Variants in C5orf24 observed in about 807,000 individuals in gnomAD.
C5orf24 encodes UPF0461 protein C5orf24.
A neutral mutation model predicts 9.8 loss-of-function variants in C5orf24; 4 were observed. That is an observed-to-expected ratio of 0.41 (90% CI 0.20 to 0.93). The LOEUF (loss-of-function observed/expected upper bound fraction) is 0.93. Ranked by LOEUF, C5orf24 falls within the 40% of genes least tolerant of loss-of-function variation. C5orf24 has a pLI of 0.33. For synonymous variants in C5orf24, 73 were observed against 81.3 expected, an observed-to-expected ratio of 0.90 and a Z score of 0.55; for missense variants, 170 against 236.9, an observed-to-expected ratio of 0.72 and a Z score of 1.85.
chr5:134,834,389 A>G, the C5orf24 span, among the ~76,000 whole-genome samples: 2 of 152,044 alleles, frequency 1.3e-5, no homozygotes, highest in African/African-American at 2.4e-5. Flanking sequence ...ATTCCCAGAA[A>G]CCTTGAAGGC....
In C5orf24 at chr5:134,846,155, T is replaced by G. The variant is rs975432702; in HGVS notation, c.-61T>G. The G allele has an allele frequency of 1.3e-5, 2 of 152,152 alleles. No individual in the cohort carries two copies. The highest frequency in any genetic ancestry group is 6.5e-5 in the Admixed American group (1 of 15,288). The allele number at this position is 152,152 out of a possible 1,614,324, so 9.4% of individuals were successfully genotyped here. ...GGGAGGGAGCGGCGCCAGCACGAGGTTCCCAGCCGCTGGGAAGCCCCTAGA... is the reference window on the plus strand; with the variant it reads ...GGGAGGGAGCGGCGCCAGCACGAGGGTCCCAGCCGCTGGGAAGCCCCTAGA... On this transcript the variant is annotated 5_prime_UTR_variant, in exon 1 of 2. Transcript: ENST00000394976.
rs1213584039 is a variant in C5orf24 at position 134,857,531 on chromosome 5, G to C, written c.*2064G>C. On this transcript the variant is annotated 3_prime_UTR_variant, in exon 2 of 2. Coordinates refer to ENST00000394976, the MANE Select transcript of C5orf24 (RefSeq NM_001135586.1). ...TGCACAAACCATAGAGAACGATGTT[G>C]GATGGTTACATAATCAGTTATAACA... 15 of 1,163,856 alleles carry C rather than the reference G, an allele frequency of 1.3e-5. No individual in the cohort carries two copies. Among genetic ancestry groups the C allele is most frequent in the Non-Finnish European group, 1.7e-5 (15 of 889,612 alleles). 72.1% of individuals were successfully genotyped at this position (1,163,856 alleles called of 1,614,324 possible).
intron 1 of C5orf24, among the ~76,000 whole-genome samples, chr5:134,853,512 CCTTCTT>C (rs1032093485): frequency 6.9e-6 from 1 of 145,380 alleles, no homozygotes; most frequent in African/African-American, 2.5e-5. Context: ...AGACTTTGGA[CCTTCTT>C]CTTCTTCTTC....
In C5orf24 at chr5:134,857,559, C is replaced by A; in HGVS notation, c.*2092C>A. On this transcript the variant is annotated 3_prime_UTR_variant, in exon 2 of 2. Transcript: ENST00000394976. ...TGGTTACATAATCAGTTATAACATT[C>A]TGGCAGCTAAATTGCTACAAGAGCT... 1.1e-6 allele frequency: 1 copy of A among 950,050 alleles called. No individual in the cohort carries two copies. The highest frequency in any genetic ancestry group is 1.4e-6 in the Non-Finnish European group (1 of 704,938). 58.9% of individuals were successfully genotyped at this position (950,050 alleles called of 1,614,324 possible).
chr5:134,857,754 G>A lies in C5orf24; in HGVS notation c.*2287G>A, dbSNP rs1317425115. ...ATGATGTTCAGCAGTTGGCTGCTTA[G>A]AAATCTTTTTCAAGCCAGTTTCTAA... is the stretch of plus-strand genomic sequence containing the variant. On this transcript the variant is annotated 3_prime_UTR_variant, in exon 2 of 2. Coordinates refer to ENST00000394976, the MANE Select transcript of C5orf24 (RefSeq NM_001135586.1). The A allele has an allele frequency of 4.8e-6, 1 of 206,186 alleles. No homozygotes were observed. Among genetic ancestry groups the A allele is most frequent in the Non-Finnish European group, 1.1e-5 (1 of 94,938 alleles). 12.8% of individuals were successfully genotyped at this position (206,186 alleles called of 1,614,324 possible).
upstream of C5orf24, among the ~76,000 whole-genome samples, chr5:134,840,946 T>G (rs1238334790): frequency 6.6e-6 from 1 of 152,198 alleles, no homozygotes; most frequent in Non-Finnish European, 1.5e-5. Flanking sequence ...GAGGTGGAGC[T>G]GATACCATGT....
chr5:134,845,020 G>GCAC (rs1755955033), upstream of C5orf24, among the ~76,000 whole-genome samples: 1 of 152,214 alleles, frequency 6.6e-6, no homozygotes, highest in South Asian at 2.1e-4. Flanking sequence ...ACAGGCGTGA[G>GCAC]CCACCGCACC....
chr5:134,834,045 C>G, the C5orf24 span, among the ~76,000 whole-genome samples: 1 of 151,958 alleles, frequency 6.6e-6, no homozygotes, highest in Admixed American at 6.6e-5. Context: ...AATTGGAACT[C>G]AACATTACTC....
rs189490134 is a variant in C5orf24, at chr5:134,849,319, A to G, written c.-4+3107A>G. 4.6e-5 allele frequency among the ~76,000 whole-genome samples: 7 copies of G among 152,300 alleles called. No homozygotes were observed. In the East Asian group the frequency reaches 1.2e-3, roughly 25 times the overall value. ...AAGTGGGAGGAGGAAGGCATTATGG[A>G]GTGCAGGGTTAAGCTCACATGCAAA... On this transcript the variant is annotated intron_variant, in intron 1 of 1. Coordinates refer to ENST00000394976, the MANE Select transcript of C5orf24 (RefSeq NM_001135586.1).
At chr5:134,850,476 G>GT (rs199936351) in intron 1 of C5orf24, among the ~76,000 whole-genome samples, 19,202 of 129,358 alleles carry the variant, frequency 0.15, 1,402 homozygotes, top group East Asian at 0.32. Context: ...AATTGCAAGT[G>GT]TTTTTTTTTT....
chr5:134,838,409 GC>G, the C5orf24 span, among the ~76,000 whole-genome samples: 2 of 152,136 alleles, frequency 1.3e-5, no homozygotes, highest in African/African-American at 2.4e-5. Flanking sequence ...GGTGGCTCAC[GC>G]CTGTAATCCC....
In C5orf24 at chr5:134,855,642, G is replaced by C; in HGVS notation, c.*175G>C. 6.8e-7 allele frequency: 1 copy of C among 1,464,394 alleles called. No individual in the cohort carries two copies. Among genetic ancestry groups the C allele is most frequent in the Non-Finnish European group, 9.0e-7 (1 of 1,112,662 alleles). The allele number at this position is 1,464,394 out of a possible 1,614,324, so 90.7% of individuals were successfully genotyped here. A position where few individuals can be genotyped will look rare whatever the true frequency, so the allele number is the denominator to read the frequency against. On this transcript the variant is annotated 3_prime_UTR_variant, in exon 2 of 2. Coordinates refer to ENST00000394976, the MANE Select transcript of C5orf24 (RefSeq NM_001135586.1). ...TGCCATATGCTGACAGATGCACTCA[G>C]GGCATGAGCAGCGGCATTGTATTTG... is the stretch of plus-strand genomic sequence containing the variant.
chr5:134,855,528 TG>T lies in C5orf24; in HGVS notation c.*63del. ...GATTGTGAATAATCCCAAAGCTTCT[TG>T]GTTTTATTTTGATATACATAATTTT... is the stretch of plus-strand genomic sequence containing the variant. On this transcript the variant is annotated 3_prime_UTR_variant, in exon 2 of 2. Coordinates refer to ENST00000394976, the MANE Select transcript of C5orf24 (RefSeq NM_001135586.1). 1 of 1,580,086 alleles carries T rather than the reference TG, an allele frequency of 6.3e-7. No individual in the cohort carries two copies. The highest frequency in any genetic ancestry group is 8.6e-7 in the Non-Finnish European group (1 of 1,169,326).
intron 1 of C5orf24, among the ~76,000 whole-genome samples, 160 bp from the exon 2 acceptor site, chr5:134,854,738 T>C (rs928814463): frequency 6.6e-6 from 1 of 152,238 alleles, no homozygotes; most frequent in Non-Finnish European, 1.5e-5. Flanking sequence ...AATCTGCTGA[T>C]GTGTGTTTGT....
At chr5:134,841,259 G>A (rs986967952), upstream of C5orf24, among the ~76,000 whole-genome samples, 1 of 151,984 alleles carries the variant, frequency 6.6e-6, no homozygotes, top group Admixed American at 6.6e-5. Flanking sequence ...CTAGATTATG[G>A]TGTAGTAAGA....
chr5:134,840,145 A>G, the C5orf24 span, among the ~76,000 whole-genome samples: 5 of 152,002 alleles, frequency 3.3e-5, no homozygotes, highest in Non-Finnish European at 5.9e-5. Flanking sequence ...CATCTCTACT[A>G]AAATACAAAA....
upstream of C5orf24, among the ~76,000 whole-genome samples, chr5:134,843,095 G>A (rs1228453442): frequency 6.6e-6 from 1 of 151,544 alleles, no homozygotes; most frequent in African/African-American, 2.4e-5. Flanking sequence ...TCGTGCCTTA[G>A]CCTCCCGAGT....
At chr5:134,848,243 G>A (rs1227918164) in intron 1 of C5orf24, among the ~76,000 whole-genome samples, 2 of 152,084 alleles carry the variant, frequency 1.3e-5, no homozygotes, top group Non-Finnish European at 2.9e-5. Flanking sequence ...CCTGGGAGGC[G>A]TAGCTTGCAG....
chr5:134,857,327 G>A lies in C5orf24; in HGVS notation c.*1860G>A. On this transcript the variant is annotated 3_prime_UTR_variant, in exon 2 of 2. Transcript: ENST00000394976. ...ATTAATGCAAACTCTGATTGCAAAT[G>A]GATGTCATGTTTCATACCTTTTTTA... 6.5e-7 allele frequency: 1 copy of A among 1,540,226 alleles called. No individual in the cohort carries two copies. Among genetic ancestry groups the A allele is most frequent in the Non-Finnish European group, 8.8e-7 (1 of 1,140,388 alleles).
Sources: gnomAD v4.1 joint callset for allele counts (sites outside exome capture counted in the v4.1 genomes callset) on GRCh38, gnomAD v4.1.1 for gene constraint, MANE v1.5 for transcripts, NCBI Gene and HGNC (gene_info 2026-07-23, HGNC 2026-07-21) for gene names.